TMEM243: variants seen among roughly 807,000 people sequenced by gnomAD.
TMEM243 encodes the protein transmembrane protein 243, also known as MDR1 and mitochondrial taxol resistance associated.
Under a neutral mutation model 15.0 loss-of-function variants are expected in TMEM243, and 20 were observed. The observed-to-expected ratio is 1.33, with a 90% CI of 0.94 to 1.93. TMEM243 has a LOEUF of 1.93. TMEM243 is among the 30% of genes most tolerant of loss of function. The pLI is 0.00. For missense variants in TMEM243, 156 were observed against 142.1 expected, an observed-to-expected ratio of 1.10 and a Z score of -0.50; for synonymous variants, 72 against 52.7, an observed-to-expected ratio of 1.37 and a Z score of -1.59.
At chr7:87,215,387 A>G (rs1803031062) in intron 1 of TMEM243, among the ~76,000 whole-genome samples, 1 of 152,088 alleles carries the variant, frequency 6.6e-6, no homozygotes. Flanking sequence ...TACAGGCCTG[A>G]GCCACCATGC....
chr7:87,210,035 C>T (rs1338505375), intron 1 of TMEM243, among the ~76,000 whole-genome samples: 1 of 81,992 alleles, frequency 1.2e-5, no homozygotes, highest in Non-Finnish European at 2.2e-5. Context: ...GAGGAGGTGA[C>T]AGAGAGACAG....
In TMEM243 at chr7:87,198,132, A is replaced by G. The variant is rs1801498496; in HGVS notation, c.130-87T>C. ...TGGAGTCTAGGCAACAGTACTACAA[A>G]ATGCTTCATGTTATAAAATTACATC... On this transcript the variant is annotated intron_variant, in intron 2 of 3. Coordinates refer to ENST00000257637, the MANE Select transcript of TMEM243 (RefSeq NM_024315.4). 6.5e-6 allele frequency: 7 copies of G among 1,081,058 alleles called. No homozygotes were observed. The Admixed American group carries it at 1.2e-4, about 18-fold the overall frequency. The allele number at this position is 1,081,058 out of a possible 1,614,324, so 67.0% of individuals were successfully genotyped here.
intron 1 of TMEM243, among the ~76,000 whole-genome samples, chr7:87,204,684 C>T (rs1802076322): frequency 6.6e-6 from 1 of 152,198 alleles, no homozygotes. Flanking sequence ...TGGCTCTGCC[C>T]CTGTGGCTTT....
chr7:87,206,569 A>C (rs1196156812), intron 1 of TMEM243, among the ~76,000 whole-genome samples: 1 of 152,232 alleles, frequency 6.6e-6, no homozygotes, highest in Non-Finnish European at 1.5e-5. Flanking sequence ...TAAGTGACTA[A>C]CAGGCAGGTA....
intron 1 of TMEM243, among the ~76,000 whole-genome samples, chr7:87,201,365 T>C (rs1213752101): frequency 2.0e-5 from 3 of 152,234 alleles, no homozygotes; most frequent in Non-Finnish European, 4.4e-5. Flanking sequence ...TAGGCCTCAC[T>C]GAGACCAACT....
intron 1 of TMEM243, among the ~76,000 whole-genome samples, chr7:87,208,358 G>C (rs969975804): frequency 2.0e-5 from 3 of 152,206 alleles, no homozygotes; most frequent in African/African-American, 7.2e-5. Context: ...AGGGGCTACA[G>C]GCCCCATGCA....
At chr7:87,196,902 G>A in intron 3 of TMEM243, 144 bp from the exon 4 acceptor site, 2 of 590,544 alleles carry the variant, frequency 3.4e-6, no homozygotes, top group East Asian at 3.0e-5. Flanking sequence ...CCTGAGATCA[G>A]TACAGCCAGA....
rs1803361666 is a variant in TMEM243 at position 87,219,648 on chromosome 7, T to C, written c.-145A>G. The C allele has an allele frequency of 4.3e-6, 3 of 693,564 alleles. No individual in the cohort carries two copies. Among genetic ancestry groups the C allele is most frequent in the East Asian group, 2.7e-5 (1 of 36,626 alleles). The allele number at this position is 693,564 out of a possible 1,614,324, so 43.0% of individuals were successfully genotyped here. A position where few individuals can be genotyped will look rare whatever the true frequency, so the allele number is the denominator to read the frequency against. ...GTCGGGGAAGCGCTGGCGCCAGGGA[T>C]GGGTGGGGGCTCACACGCGGGGAAC... On this transcript the variant is annotated 5_prime_UTR_variant, in exon 1 of 4. Coordinates refer to ENST00000257637, the MANE Select transcript of TMEM243 (RefSeq NM_024315.4).
intron 1 of TMEM243, among the ~76,000 whole-genome samples, chr7:87,208,385 G>A (rs1471805216): frequency 3.3e-5 from 5 of 152,206 alleles, no homozygotes; most frequent in Non-Finnish European, 5.9e-5. Flanking sequence ...AAAACCAGCA[G>A]GGCAGTCAAT....
At chr7:87,209,689 A>AGACAGTGAGAGCGAGACACAGT (rs1237661489) in intron 1 of TMEM243, among the ~76,000 whole-genome samples, 11 of 61,392 alleles carry the variant, frequency 1.8e-4, no homozygotes, top group Admixed American at 1.1e-3. Flanking sequence ...AGACACAGCG[A>AGACAGTGAGAGCGAGACACAGT]GAGAGCGAGA....
chr7:87,196,443 C>G lies in TMEM243; in HGVS notation c.*193G>C, dbSNP rs2129215241. ...GGGTTGGAATGTTTAGGTGCAACAT[C>G]AGCTCCTTAAAGAAAAAGCAAAGTG... is the stretch of plus-strand genomic sequence containing the variant. On this transcript the variant is annotated 3_prime_UTR_variant, in exon 4 of 4. Coordinates refer to ENST00000257637, the MANE Select transcript of TMEM243 (RefSeq NM_024315.4). 1 of 511,124 alleles carries G rather than the reference C, an allele frequency of 2.0e-6. No homozygotes were observed. Among genetic ancestry groups the G allele is most frequent in the South Asian group, 3.1e-5 (1 of 31,852 alleles). The allele number at this position is 511,124 out of a possible 1,614,324, so 31.7% of individuals were successfully genotyped here.
rs1385832536 is a variant in TMEM243 at position 87,217,627 on chromosome 7, G to A, written c.78+1799C>T. Among the ~76,000 whole-genome samples, 22 of 152,210 alleles carry A rather than the reference G, an allele frequency of 1.4e-4. 1 individual carries two copies. Among genetic ancestry groups the A allele is most frequent in the Admixed American group, 1.4e-3 (22 of 15,280 alleles). On this transcript the variant is annotated intron_variant, in intron 1 of 3. Coordinates refer to ENST00000257637, the MANE Select transcript of TMEM243 (RefSeq NM_024315.4). The stretch of plus-strand genomic sequence containing the variant: ...GTCCAATCACCCTGTCAACTTCACA[G>A]AGGGAGCTAAAGGGAGAAATTTTGA...
At chr7:87,213,488 C>G (rs992322054) in intron 1 of TMEM243, among the ~76,000 whole-genome samples, 1 of 152,178 alleles carries the variant, frequency 6.6e-6, no homozygotes, top group Non-Finnish European at 1.5e-5. Flanking sequence ...AAACTAAAGC[C>G]TGCACTCCTC....
At position 87,198,185 on chromosome 7, in the gene TMEM243, T is replaced by C. The variant is rs1305288712; in HGVS notation, c.130-140A>G. 6 of 609,072 alleles carry C rather than the reference T, an allele frequency of 9.9e-6. No homozygotes were observed. The East Asian group carries it at 1.7e-4, about 17-fold the overall frequency. The allele number at this position is 609,072 out of a possible 1,614,324, so 37.7% of individuals were successfully genotyped here. A position where few individuals can be genotyped will look rare whatever the true frequency, so the allele number is the denominator to read the frequency against. On this transcript the variant is annotated intron_variant, in intron 2 of 3. Transcript: ENST00000257637. ...CCACCAAGTTTGCTTTCTAGAATGT[T>C]AATACAGTAATTATAAATATGTTCG... is the stretch of plus-strand genomic sequence containing the variant.
chr7:87,206,664 C>G (rs1802241351), intron 1 of TMEM243, among the ~76,000 whole-genome samples: 1 of 152,214 alleles, frequency 6.6e-6, no homozygotes, highest in Non-Finnish European at 1.5e-5. Flanking sequence ...GAACAGTGCA[C>G]AGTTTAAAAC....
intron 1 of TMEM243, among the ~76,000 whole-genome samples, chr7:87,219,136 A>C (rs1346151021): frequency 6.6e-6 from 1 of 151,936 alleles, no homozygotes; most frequent in Non-Finnish European, 1.5e-5. Flanking sequence ...ACAACCACTA[A>C]ATCAACCTCC....
At chr7:87,206,388 A>G (rs1802220374) in intron 1 of TMEM243, among the ~76,000 whole-genome samples, 1 of 152,242 alleles carries the variant, frequency 6.6e-6, no homozygotes. Flanking sequence ...CTGCATCAAA[A>G]TGTATTGCTT....
intron 1 of TMEM243, among the ~76,000 whole-genome samples, chr7:87,210,964 A>G (rs1003089580): frequency 3.9e-5 from 6 of 152,202 alleles, no homozygotes; most frequent in African/African-American, 1.4e-4. Flanking sequence ...AGCTCAAGCT[A>G]TATCTTGGCC....
intron 3 of TMEM243, chr7:87,197,705 T>G: frequency 9.1e-7 from 1 of 1,103,794 alleles, no homozygotes; most frequent in Admixed American, 6.2e-5. Flanking sequence ...TTTTTTTTTT[T>G]TTTTTTTTTT....
Sources: allele counts gnomAD v4.1 joint callset (sites outside exome capture counted in the v4.1 genomes callset), GRCh38; gene constraint gnomAD v4.1.1; transcripts MANE v1.5; gene names NCBI Gene and HGNC (gene_info 2026-07-23, HGNC 2026-07-21).